Variants in ABCA10 observed in about 807,000 individuals in gnomAD.
The protein encoded by ABCA10 is ATP-binding cassette sub-family A member 10.
Under a neutral mutation model 187.5 loss-of-function variants are expected in ABCA10, and 169 were observed. The observed-to-expected ratio is 0.90, with a 90% CI of 0.80 to 1.02. ABCA10 has a LOEUF of 1.02. Among genes scored for constraint, ABCA10 ranks in the 50% least tolerant of loss-of-function variants. The probability of loss-of-function intolerance (pLI) is 0.00; values close to 1 mark genes in which losing one functional copy is unlikely to be tolerated. For missense variants in ABCA10, 1,727 were observed against 1,812.4 expected (o/e 0.95, Z 0.86); for synonymous variants, 574 against 601.8 (o/e 0.95, Z 0.68).
At chr17:69,237,188 A>G (rs146869900) in intron 1 of ABCA10, among the ~76,000 whole-genome samples, 95 of 152,348 alleles carry the variant, frequency 6.2e-4, no homozygotes, top group African/African-American at 2.3e-3. Flanking sequence ...CAGCTGATCC[A>G]GGTCTCTTTT....
Position 69,174,263 on chromosome 17 carries a change from G to T in ABCA10, c.3162+18C>A. 1.3e-6 allele frequency: 2 copies of T among 1,487,550 alleles called. No individual in the cohort carries two copies. Among genetic ancestry groups the T allele is most frequent in the Non-Finnish European group, 1.8e-6 (2 of 1,093,326 alleles). The allele number at this position is 1,487,550 out of a possible 1,614,324, so 92.1% of individuals were successfully genotyped here. On this transcript the variant is annotated intron_variant, in intron 25 of 38. Coordinates refer to ENST00000690296, the MANE Select transcript of ABCA10 (RefSeq NM_001377321.1). ...AAGGAAATTTAATATAAATGTGCAC[G>T]CATGTATATATACTTACAATAAAAA...
chr17:69,152,440 G>C lies in ABCA10; in HGVS notation c.4178C>G (p.Thr1393Ser). ...TGACATGTAATGGGTGGTCAAGAGGGTGCCCCTCTCCTTGTTTTTAACGGT... is the reference window on the plus strand; with the variant it reads ...TGACATGTAATGGGTGGTCAAGAGGCTGCCCCTCTCCTTGTTTTTAACGGT... Reference protein sequence around the residue: ...QATVKNKERGTLLTTHYMSEA... With the variant: ...QATVKNKERGSLLTTHYMSEA... The change falls in exon 35 of 39, where the codon ACC becomes AGC. Residue 1393 changes from threonine to serine, a missense_variant. Transcript: ENST00000690296. 6.2e-7 allele frequency: 1 copy of C among 1,613,896 alleles called. No individual in the cohort carries two copies. Among genetic ancestry groups the C allele is most frequent in the Non-Finnish European group, 8.5e-7 (1 of 1,179,870 alleles).
chr17:69,222,194 A>C (rs1451453380), intron 4 of ABCA10, among the ~76,000 whole-genome samples: 1 of 151,852 alleles, frequency 6.6e-6, no homozygotes, highest in African/African-American at 2.4e-5. Flanking sequence ...ATCTCTACTA[A>C]AAATACAAAA....
At chr17:69,156,756 T>C (rs1555657671) in intron 28 of ABCA10, 76 bp downstream of exon 28, 4 of 107,412 alleles carry the variant, frequency 3.7e-5, no homozygotes, top group South Asian at 3.5e-4. Context: ...CAAAAACAAA[T>C]AAATAAATGA....
chr17:69,214,763 A>T lies in ABCA10; in HGVS notation c.947T>A (p.Leu316Ter). Residue 316 changes from leucine to a stop codon, truncating the protein, a stop_gained, in exon 9 of 39, where the codon TTG (leucine) becomes TAG (stop). Coordinates refer to ENST00000690296, the MANE Select transcript of ABCA10 (RefSeq NM_001377321.1). LOFTEE classifies it high-confidence loss of function. ...SYKMIATFFILAFDTLFYLIF... is the reference protein window; with the variant it reads ...SYKMIATFFI ...CAAATAGAAAAGAGTATCAAATGCC[A>T]AAATGAAAAAAGTGGCTATCATTTT... is the stretch of plus-strand genomic sequence containing the variant. 2.0e-6 allele frequency: 3 copies of T among 1,517,332 alleles called. No individual in the cohort carries two copies. The highest frequency in any genetic ancestry group is 2.6e-6 in the Non-Finnish European group (3 of 1,140,656). The allele number at this position is 1,517,332 out of a possible 1,614,324, so 94.0% of individuals were successfully genotyped here. A position where few individuals can be genotyped will look rare whatever the true frequency, so the allele number is the denominator to read the frequency against.
chr17:69,206,346 G>A lies in ABCA10; in HGVS notation c.1007-4678C>T, dbSNP rs141712026. On this transcript the variant is annotated intron_variant, in intron 9 of 38. Coordinates refer to ENST00000690296, the MANE Select transcript of ABCA10 (RefSeq NM_001377321.1). ...GCAGACATCAATAAGGTGTGGAATA[G>A]GACTTCCCAGCACTTGTTCCCCAGC... Among the ~76,000 whole-genome samples the A allele has an allele frequency of 1.8e-3, 281 of 152,258 alleles. 1 individual carries two copies. The highest frequency in any genetic ancestry group is 6.5e-3 in the African/African-American group (272 of 41,566).
chr17:69,188,150 G>C (rs149956476), intron 18 of ABCA10, among the ~76,000 whole-genome samples: 59 of 152,262 alleles, frequency 3.9e-4, no homozygotes, highest in African/African-American at 1.4e-3. Flanking sequence ...CTTCACTAAT[G>C]GATACTTTTG....
intron 36 of ABCA10, among the ~76,000 whole-genome samples, chr17:69,150,874 T>C (rs1467498124): frequency 6.6e-6 from 1 of 152,222 alleles, no homozygotes; most frequent in African/African-American, 2.4e-5. Flanking sequence ...CTGTTCTAGA[T>C]ACTCCTCAGT....
At chr17:69,236,397 T>C (rs1179215973) in intron 1 of ABCA10, among the ~76,000 whole-genome samples, 2 of 152,168 alleles carry the variant, frequency 1.3e-5, no homozygotes, top group Non-Finnish European at 2.9e-5. Flanking sequence ...TAAGATTAAC[T>C]GAAAACAGCA....
Position 69,201,578 on chromosome 17 carries a change from T to C in ABCA10, c.1097A>G (p.Asn366Ser). 6.2e-7 allele frequency: 1 copy of C among 1,612,990 alleles called. No homozygotes were observed. Among genetic ancestry groups the C allele is most frequent in the Non-Finnish European group, 8.5e-7 (1 of 1,179,690 alleles). Reference protein sequence around the residue: ...HQNTHHEIFENEINPEHSSDD... With the variant: ...HQNTHHEIFESEINPEHSSDD... Reference sequence around the variant, plus strand: ...AGAGGAATGCTCAGGATTTATTTCATTCTCAAAGATTTCATGATGAGTATT... The same window carrying C: ...AGAGGAATGCTCAGGATTTATTTCACTCTCAAAGATTTCATGATGAGTATT... The change falls in exon 10 of 39, where the codon AAT (asparagine) becomes AGT (serine). Residue 366 changes from asparagine to serine, a missense_variant. Physicochemically the swap from Asn to Ser is conservative, Grantham distance 46 (BLOSUM62 1). Transcript: ENST00000690296.
intron 26 of ABCA10, 82 bp downstream of exon 26, chr17:69,164,882 G>A: frequency 6.9e-7 from 1 of 1,441,628 alleles, no homozygotes. Context: ...TTTTATAAAT[G>A]CACCTGTTCC....
intron 20 of ABCA10, 150 bp from the exon 21 acceptor site, chr17:69,182,958 T>G: frequency 1.2e-6 from 1 of 855,088 alleles, no homozygotes; most frequent in South Asian, 2.9e-5. Context: ...TACAATACTA[T>G]TCATTCTGAT....
chr17:69,221,948 G>T, intron 4 of ABCA10, 53 bp from the exon 5 acceptor site: 2 of 1,359,746 alleles, frequency 1.5e-6, no homozygotes, highest in Non-Finnish European at 2.0e-6. Context: ...GTCAACTCCT[G>T]GAATTAAAAC....
At chr17:69,201,399 A>G in intron 10 of ABCA10, 101 bp downstream of exon 10, 2 of 1,099,856 alleles carry the variant, frequency 1.8e-6, no homozygotes, top group South Asian at 5.7e-5. Context: ...GAGAAATAAT[A>G]AAAAGAAAAG....
chr17:69,152,144 AC>A lies in ABCA10; in HGVS notation c.4295del (p.Gly1432ValfsTer6). 1 of 1,613,530 alleles carries A rather than the reference AC, an allele frequency of 6.2e-7. No homozygotes were observed. Among genetic ancestry groups the A allele is most frequent in the Non-Finnish European group, 8.5e-7 (1 of 1,179,840 alleles). On this transcript the variant is annotated frameshift_variant, in exon 36 of 39. Transcript: ENST00000690296. LOFTEE classifies it high-confidence loss of function. ...TTTTTATTTCTAGTAAATAATCTCT[AC>A]CAAACTTGTTTTTCAGATGTTGAAT... ...GSIQHLKNKFGRDYLLEIKMK... is the reference protein window; with the variant it reads ...GSIQHLKNKFXRDYLLEIKMK...
At chr17:69,150,476 A>T (rs2074119526) in intron 36 of ABCA10, 2 of 154,928 alleles carry the variant, frequency 1.3e-5, no homozygotes, top group African/African-American at 4.8e-5. Context: ...CCTGCTAAAA[A>T]AAAATTTTTT....
Position 69,152,081 on chromosome 17 carries a change from C to T in ABCA10, c.4359G>A (p.Glu1453=). 1 of 1,612,732 alleles carries T rather than the reference C, an allele frequency of 6.2e-7. No homozygotes were observed. The highest frequency in any genetic ancestry group is 8.5e-7 in the Non-Finnish European group (1 of 1,179,742). ...CAGCCTGTGGGAAAAGCTTCAAAAT[C>T]TCTGTGTGGAGAGCTTCCACCTGGG... ...EPTQVEALHT[E]ILKLFPQAAW... Residue 1453 remains glutamate (E), a synonymous_variant, in exon 36 of 39, where the codon GAG becomes GAA. Transcript: ENST00000690296.
chr17:69,173,084 T>C (rs2074309297), intron 25 of ABCA10, among the ~76,000 whole-genome samples: 1 of 152,090 alleles, frequency 6.6e-6, no homozygotes, highest in African/African-American at 2.4e-5. Context: ...CAAAATTGGA[T>C]TAAATTAAAA....
Position 69,194,636 on chromosome 17 carries a change from T to C in ABCA10, c.1235-141A>G, listed in dbSNP as rs532649356. 3 of 568,820 alleles carry C rather than the reference T, an allele frequency of 5.3e-6. No homozygotes were observed. In the African/African-American group the frequency reaches 5.7e-5, roughly 11 times the overall value. The allele number at this position is 568,820 out of a possible 1,614,324, so 35.2% of individuals were successfully genotyped here. Reference sequence around the variant, plus strand: ...ATCCCCTATAAAATTATACATTTAATTGTATAAGTTATGTATTCCTGAAGA... The same window carrying C: ...ATCCCCTATAAAATTATACATTTAACTGTATAAGTTATGTATTCCTGAAGA... On this transcript the variant is annotated intron_variant, in intron 11 of 38. Coordinates refer to ENST00000690296, the MANE Select transcript of ABCA10 (RefSeq NM_001377321.1).
Sources: gnomAD v4.1 joint callset for allele counts (sites outside exome capture counted in the v4.1 genomes callset) on GRCh38, gnomAD v4.1.1 for gene constraint, MANE v1.5 for transcripts, NCBI Gene and HGNC (gene_info 2026-07-23, HGNC 2026-07-21) for gene names.